KIF16B: variants seen among roughly 807,000 people sequenced by gnomAD.
KIF16B encodes kinesin-like protein KIF16B.
In KIF16B, 98 loss-of-function variants were observed where a neutral mutation model predicts 156.3. That is an observed-to-expected ratio of 0.63 (90% CI 0.53 to 0.74). KIF16B has a LOEUF of 0.74. Ranked by LOEUF, KIF16B falls within the 30% of genes least tolerant of loss-of-function variation. The pLI is 0.00. For synonymous variants in KIF16B, 564 were observed against 583.7 expected, an observed-to-expected ratio of 0.97 and a Z score of 0.49; for missense variants, 1,421 against 1,606.5, an observed-to-expected ratio of 0.88 and a Z score of 1.97.
chr20:16,379,780 T>C lies in KIF16B; in HGVS notation c.2222A>G (p.Tyr741Cys). ...DQLQKEKDEQ[Y>C]AKLELEKKRL... Reference sequence around the variant, plus strand: ...CTTTTTTTCCAGTTCAAGCTTGGCATACTGTTCATCTTTTTCCTTTTGGAG... The same window carrying C: ...CTTTTTTTCCAGTTCAAGCTTGGCACACTGTTCATCTTTTTCCTTTTGGAG... The change falls in exon 19 of 26, where the codon TAT becomes TGT. Residue 741 changes from tyrosine (Y) to cysteine (C), a missense_variant. Tyr to Cys is a radical substitution (Grantham distance 194, BLOSUM62 -2). Transcript: ENST00000354981. 6.2e-7 allele frequency: 1 copy of C among 1,614,218 alleles called. No homozygotes were observed. The highest frequency in any genetic ancestry group is 8.5e-7 in the Non-Finnish European group (1 of 1,180,038).
At chr20:16,475,562 G>A (rs1339813925) in intron 12 of KIF16B, among the ~76,000 whole-genome samples, 3 of 152,182 alleles carry the variant, frequency 2.0e-5, no homozygotes, top group Non-Finnish European at 2.9e-5. Context: ...CAGATCAGCC[G>A]GGAACCAACG....
At chr20:16,359,109 T>G (rs139376498) in intron 22 of KIF16B, among the ~76,000 whole-genome samples, 89 of 152,370 alleles carry the variant, frequency 5.8e-4, no homozygotes, top group Non-Finnish European at 1.1e-3. Flanking sequence ...AAGTCAGTTT[T>G]TAAAATGAGG....
intron 24 of KIF16B, among the ~76,000 whole-genome samples, chr20:16,318,289 C>A (rs866863149): frequency 5.9e-5 from 9 of 152,158 alleles, no homozygotes; most frequent in Non-Finnish European, 2.9e-5. Context: ...TAAGTGGGAT[C>A]AGCCAAAGCT....
At chr20:16,389,496 C>G (rs759715740) in intron 17 of KIF16B, among the ~76,000 whole-genome samples, 2 of 152,148 alleles carry the variant, frequency 1.3e-5, no homozygotes, top group South Asian at 2.1e-4. Context: ...TGATGCTTCA[C>G]TAGGGTTTAG....
rs2063010076 is a variant in KIF16B, at chr20:16,273,350, T to C, written c.3857A>G (p.Asn1286Ser). 6.2e-7 allele frequency: 1 copy of C among 1,613,550 alleles called. No individual in the cohort carries two copies. Among genetic ancestry groups the C allele is most frequent in the South Asian group, 1.1e-5 (1 of 91,066 alleles). Reference sequence around the variant, plus strand: ...TTTCGAGAGAGTCAGTCCCACTTTGTTGATGTGGAGGGGAGATGTTGCGGA... The same window carrying C: ...TTTCGAGAGAGTCAGTCCCACTTTGCTGATGTGGAGGGGAGATGTTGCGGA... ...LQSATSPLHI[N>S]KVGLTLSKHT... The change falls in exon 26 of 26, where the codon AAC becomes AGC. Residue 1286 changes from asparagine to serine, a missense_variant. Coordinates refer to ENST00000354981, the MANE Select transcript of KIF16B (RefSeq NM_024704.5).
intron 11 of KIF16B, among the ~76,000 whole-genome samples, chr20:16,494,556 C>G (rs1285474695): frequency 6.6e-6 from 1 of 152,208 alleles, no homozygotes; most frequent in Non-Finnish European, 1.5e-5. Flanking sequence ...AAGGAAAGAA[C>G]AGACAGAAAT....
At position 16,356,386 on chromosome 20, in the gene KIF16B, G is replaced by A. The variant is rs1442310584; in HGVS notation, c.3565C>T (p.Pro1189Ser). ...CCTTGCCCGCAGAGGACGTAGCGTGGGATACTAATTTTAATTGGGTCCTTC... is the reference window on the plus strand; with the variant it reads ...CCTTGCCCGCAGAGGACGTAGCGTGAGATACTAATTTTAATTGGGTCCTTC... ...DLKDPIKISI[P>S]RYVLCGQGKD... Residue 1189 changes from proline (P) to serine (S), a missense_variant, in exon 23 of 26, where the codon CCA (proline) becomes TCA (serine). Transcript: ENST00000354981. The A allele has an allele frequency of 1.2e-6, 2 of 1,614,022 alleles. No homozygotes were observed. The highest frequency in any genetic ancestry group is 1.7e-6 in the Non-Finnish European group (2 of 1,180,010).
chr20:16,569,192 C>T (rs564682198), intron 1 of KIF16B, among the ~76,000 whole-genome samples: 6 of 152,224 alleles, frequency 3.9e-5, no homozygotes, highest in African/African-American at 9.6e-5. Flanking sequence ...TTCAGAACTA[C>T]GAGAAGTAAA....
At chr20:16,325,477 T>C (rs568484338) in intron 24 of KIF16B, among the ~76,000 whole-genome samples, 35 of 151,380 alleles carry the variant, frequency 2.3e-4, no homozygotes, top group Middle Eastern at 6.9e-3. Flanking sequence ...AATGAATGTA[T>C]ACAAATCACT....
chr20:16,422,095 C>A (rs2066240776), intron 15 of KIF16B, among the ~76,000 whole-genome samples: 1 of 152,078 alleles, frequency 6.6e-6, no homozygotes, highest in Admixed American at 6.6e-5. Context: ...TCAAAAACCA[C>A]TTAATAAAAA....
At chr20:16,395,458 A>G (rs2065477857) in intron 17 of KIF16B, among the ~76,000 whole-genome samples, 2 of 152,094 alleles carry the variant, frequency 1.3e-5, no homozygotes, top group African/African-American at 2.4e-5. Context: ...CCTTTCATAT[A>G]AATGTTGTCA....
At chr20:16,539,129 C>A (rs188334244) in intron 1 of KIF16B, among the ~76,000 whole-genome samples, 3 of 151,872 alleles carry the variant, frequency 2.0e-5, no homozygotes, top group African/African-American at 2.4e-5. Context: ...TGGCCCAACA[C>A]GAAAAATTGG....
At chr20:16,343,843 AT>A (rs556218313) in intron 23 of KIF16B, among the ~76,000 whole-genome samples, 24 of 150,082 alleles carry the variant, frequency 1.6e-4, no homozygotes, top group East Asian at 9.8e-4. Context: ...TGGTACTTCT[AT>A]TTTTTTTTTA....
chr20:16,557,109 A>T (rs891462041), intron 1 of KIF16B, among the ~76,000 whole-genome samples: 1 of 148,676 alleles, frequency 6.7e-6, no homozygotes, highest in African/African-American at 2.4e-5. Flanking sequence ...ATTAATATTA[A>T]TCATTAATAT....
At chr20:16,358,819 C>T (rs1253595676) in intron 22 of KIF16B, among the ~76,000 whole-genome samples, 5 of 152,234 alleles carry the variant, frequency 3.3e-5, no homozygotes, top group African/African-American at 1.2e-4. Flanking sequence ...CATGTTCTGT[C>T]AGCTAAGCAA....
At chr20:16,536,301 G>A (rs1262440015) in intron 1 of KIF16B, among the ~76,000 whole-genome samples, 2 of 152,088 alleles carry the variant, frequency 1.3e-5, no homozygotes, top group South Asian at 2.1e-4. Context: ...ATCATATGGA[G>A]ATAGAGAGTA....
At chr20:16,432,299 G>A (rs76814796) in intron 12 of KIF16B, among the ~76,000 whole-genome samples, 2,769 of 152,104 alleles carry the variant, frequency 0.018, 69 homozygotes, top group African/African-American at 0.05. Flanking sequence ...ATGACTGTAC[G>A]AGCAACAGAA....
intron 1 of KIF16B, among the ~76,000 whole-genome samples, chr20:16,533,843 C>T (rs60951947): frequency 0.019 from 2,857 of 152,218 alleles, 87 homozygotes; most frequent in African/African-American, 0.065. Flanking sequence ...AAGATAATTA[C>T]AGGTCATCAA....
At chr20:16,457,972 C>T (rs779956513) in intron 12 of KIF16B, among the ~76,000 whole-genome samples, 10 of 151,752 alleles carry the variant, frequency 6.6e-5, no homozygotes, top group Admixed American at 2.6e-4. Context: ...ATTCAGAATC[C>T]GTGTTTTAGG....
Sources: gnomAD v4.1 joint callset for allele counts (sites outside exome capture counted in the v4.1 genomes callset) on GRCh38, gnomAD v4.1.1 for gene constraint, MANE v1.5 for transcripts, NCBI Gene and HGNC (gene_info 2026-07-23, HGNC 2026-07-21) for gene names.